ATP9B: variants seen among roughly 807,000 people sequenced by gnomAD.
ATP9B encodes probable phospholipid-transporting ATPase IIB.
ATP9B carries 110 observed loss-of-function variants against 146.1 expected under a neutral mutation model. The ratio of observed to expected loss-of-function variants is 0.75; its 90% confidence interval spans 0.65 to 0.88. The LOEUF is 0.88. Ranked by LOEUF, ATP9B falls within the 40% of genes least tolerant of loss-of-function variation. The pLI is 0.00. For missense variants in ATP9B, 1,499 were observed against 1,496.4 expected (o/e 1.00, Z -0.03); for synonymous variants, 604 against 569.7 (o/e 1.06, Z -0.86).
At chr18:79,300,458 GC>G (rs1468384901) in intron 13 of ATP9B, among the ~76,000 whole-genome samples, 1 of 152,208 alleles carries the variant, frequency 6.6e-6, no homozygotes, top group Non-Finnish European at 1.5e-5. Flanking sequence ...CAGGCCCCTT[GC>G]AGATGTCTCA....
chr18:79,099,491 A>G (rs2075093556), intron 2 of ATP9B, among the ~76,000 whole-genome samples: 1 of 152,142 alleles, frequency 6.6e-6, no homozygotes, highest in South Asian at 2.1e-4. Flanking sequence ...TTAGTGTTGG[A>G]ATTACAGGCG....
At chr18:79,287,470 T>C (rs977172098) in intron 13 of ATP9B, among the ~76,000 whole-genome samples, 2 of 152,194 alleles carry the variant, frequency 1.3e-5, no homozygotes, top group Non-Finnish European at 2.9e-5. Context: ...TGATATCCTC[T>C]ATCATTTTTT....
Position 79,371,400 on chromosome 18 carries a change from A to C in ATP9B, c.3013-1425A>C, listed in dbSNP as rs897939675. 8.8e-4 allele frequency among the ~76,000 whole-genome samples: 111 copies of C among 125,522 alleles called. 1 individual carries two copies. The highest frequency in any genetic ancestry group is 1.6e-3 in the Non-Finnish European group (93 of 59,804). 82.3% of individuals were successfully genotyped at this position (125,522 alleles called of 152,430 possible). A position where few individuals can be genotyped will look rare whatever the true frequency, so the allele number is the denominator to read the frequency against. On this transcript the variant is annotated intron_variant, in intron 26 of 29. Transcript: ENST00000426216. ...AAAAAAAAAAAAAAAAAAAAAAAAA[A>C]ACAGTAGTGCTTCTTCGTCACAGTG...
intron 1 of ATP9B, among the ~76,000 whole-genome samples, chr18:79,070,128 A>C (rs2071550540): frequency 6.6e-6 from 1 of 152,246 alleles, no homozygotes; most frequent in Non-Finnish European, 1.5e-5. Flanking sequence ...CAGTAGAATT[A>C]GTGTACAGAC....
At chr18:79,315,292 G>A (rs2096673205) in intron 15 of ATP9B, among the ~76,000 whole-genome samples, 1 of 152,138 alleles carries the variant, frequency 6.6e-6, no homozygotes, top group Non-Finnish European at 1.5e-5. Context: ...TAATTGTGGG[G>A]TTTTGTCAGA....
intron 6 of ATP9B, among the ~76,000 whole-genome samples, chr18:79,152,684 CATTT>C (rs1406957841): frequency 1.3e-5 from 2 of 152,066 alleles, no homozygotes; most frequent in Non-Finnish European, 2.9e-5. Flanking sequence ...TTGGCTTTCA[CATTT>C]AGAGCTGTAA....
intron 15 of ATP9B, 76 bp downstream of exon 15, chr18:79,307,310 G>C: frequency 1.3e-6 from 2 of 1,591,254 alleles, no homozygotes; most frequent in Non-Finnish European, 8.6e-7. Context: ...CATTCTTTCT[G>C]GGATGGGGAA....
At position 79,176,917 on chromosome 18, in the gene ATP9B, A is replaced by T; in HGVS notation, c.873+10A>T. ...GCTGCCGGCTCTGGGGGTGAGCAGC[A>T]CCAAGACTACTCCATCCTTTTATCT... On this transcript the variant is annotated intron_variant, in intron 8 of 29. Coordinates refer to ENST00000426216, the MANE Select transcript of ATP9B (RefSeq NM_198531.5). The T allele has an allele frequency of 1.9e-6, 3 of 1,610,350 alleles. No individual in the cohort carries two copies. The highest frequency in any genetic ancestry group is 2.5e-6 in the Non-Finnish European group (3 of 1,176,910).
intron 2 of ATP9B, among the ~76,000 whole-genome samples, chr18:79,097,088 G>T (rs2074848974): frequency 1.3e-5 from 2 of 151,604 alleles, no homozygotes. Flanking sequence ...AACCTGGGAG[G>T]TGGAGGTTAC....
chr18:79,173,778 C>G (rs1348953909), intron 7 of ATP9B: 2 of 455,388 alleles, frequency 4.4e-6, no homozygotes, highest in Non-Finnish European at 8.8e-6. Context: ...ATTTTTTCTT[C>G]CTTTTTCCCC....
chr18:79,121,042 C>G (rs921562597), intron 4 of ATP9B, among the ~76,000 whole-genome samples: 1 of 152,118 alleles, frequency 6.6e-6, no homozygotes, highest in East Asian at 1.9e-4. Context: ...ATTCCCTTAT[C>G]TGTAAATTAG....
At chr18:79,181,527 C>T (rs986339118) in intron 8 of ATP9B, among the ~76,000 whole-genome samples, 2 of 152,140 alleles carry the variant, frequency 1.3e-5, no homozygotes, top group African/African-American at 4.8e-5. Flanking sequence ...GTAAGAACTT[C>T]AATGACATGG....
chr18:79,084,779 C>T (rs2073642205), intron 1 of ATP9B, among the ~76,000 whole-genome samples: 1 of 152,046 alleles, frequency 6.6e-6, no homozygotes, highest in Non-Finnish European at 1.5e-5. Context: ...CTCAGGTTTT[C>T]CTTGAAGTGG....
At chr18:79,105,666 A>T (rs765865997) in intron 2 of ATP9B, among the ~76,000 whole-genome samples, 4 of 152,216 alleles carry the variant, frequency 2.6e-5, no homozygotes, top group Non-Finnish European at 2.9e-5. Context: ...ATCTGGGTTA[A>T]TGTCTTTCTC....
rs530133378 is a variant in ATP9B at position 79,070,260 on chromosome 18, CAT to C, written c.119+733_119+734del. Among the ~76,000 whole-genome samples, 11 of 152,312 alleles carry C rather than the reference CAT, an allele frequency of 7.2e-5. No homozygotes were observed. In the East Asian group the frequency reaches 1.5e-3, roughly 21 times the overall value. ...TTTATTCCAGAGGAATTGTCGAAAA[CAT>C]AATTTCACTCAATATGTAGTTGCTT... On this transcript the variant is annotated intron_variant, in intron 1 of 29. Coordinates refer to ENST00000426216, the MANE Select transcript of ATP9B (RefSeq NM_198531.5).
rs1464734381 is a variant in ATP9B at position 79,222,141 on chromosome 18, T to A, written c.1107+8103T>A. Among the ~76,000 whole-genome samples the A allele has an allele frequency of 2.0e-5, 3 of 152,080 alleles. No homozygotes were observed. In the East Asian group the frequency reaches 5.8e-4, roughly 29 times the overall value. On this transcript the variant is annotated intron_variant, in intron 11 of 29. Transcript: ENST00000426216. ...TCTCTTAGTCTTTATCTTTTATTTTTTTAGACAGGCAGAGACCACCAGCCT... is the reference window on the plus strand; with the variant it reads ...TCTCTTAGTCTTTATCTTTTATTTTATTAGACAGGCAGAGACCACCAGCCT...
chr18:79,177,949 T>G (rs973935263), intron 8 of ATP9B, among the ~76,000 whole-genome samples: 16 of 152,326 alleles, frequency 1.1e-4, no homozygotes, highest in Non-Finnish European at 2.2e-4. Context: ...ATGTTTAGAG[T>G]TATTACAACT....
chr18:79,159,280 G>A (rs1329441877), intron 7 of ATP9B, among the ~76,000 whole-genome samples: 3 of 152,118 alleles, frequency 2.0e-5, no homozygotes, highest in African/African-American at 7.2e-5. Flanking sequence ...ATCTTAGCAG[G>A]TATGTACACT....
chr18:79,327,551 G>T (rs111640547), intron 15 of ATP9B, among the ~76,000 whole-genome samples: 29 of 126,924 alleles, frequency 2.3e-4, no homozygotes, highest in African/African-American at 6.3e-4. Context: ...GCTCTCCGTG[G>T]TTAGCGTGCT....
Sources: gnomAD v4.1 joint callset for allele counts (sites outside exome capture counted in the v4.1 genomes callset) on GRCh38, gnomAD v4.1.1 for gene constraint, MANE v1.5 for transcripts, NCBI Gene and HGNC (gene_info 2026-07-23, HGNC 2026-07-21) for gene names.